XNDC1N: variants seen among roughly 807,000 people sequenced by gnomAD.
XNDC1N encodes XRCC1 N-terminal domain containing 1, N-terminal like.
chr11:71,904,128 A>G, the XNDC1N span: 15 of 489,060 alleles, frequency 3.1e-5, no homozygotes, highest in East Asian at 6.0e-5. Context: ...TCTAATCTCA[A>G]TATCTTCTTA....
chr11:71,919,929 C>CTTCTTTT, the XNDC1N span, among the ~76,000 whole-genome samples: 43 of 26,632 alleles, frequency 1.6e-3, no homozygotes, highest in East Asian at 3.7e-3. Flanking sequence ...AAGCAGGCCT[C>CTTCTTTT]TTTTTTTTTT....
chr11:71,905,620 T>C, the XNDC1N span, among the ~76,000 whole-genome samples: 3 of 152,014 alleles, frequency 2.0e-5, no homozygotes, highest in African/African-American at 7.3e-5. Context: ...CCCTAGGATA[T>C]AAGCTATCAC....
At chr11:71,901,309 C>G in the XNDC1N span, among the ~76,000 whole-genome samples, 1 of 152,080 alleles carries the variant, frequency 6.6e-6, no homozygotes, top group Admixed American at 6.5e-5. Context: ...CTGCTTAAAG[C>G]TTTTGGAAGC....
chr11:71,877,548 G>C, the XNDC1N span, among the ~76,000 whole-genome samples: 1 of 152,234 alleles, frequency 6.6e-6, no homozygotes, highest in Non-Finnish European at 1.5e-5. Context: ...TGAGGAAGGA[G>C]AATCACTTGA....
At chr11:71,881,736 G>T in the XNDC1N span, among the ~76,000 whole-genome samples, 1 of 152,056 alleles carries the variant, frequency 6.6e-6, no homozygotes. Flanking sequence ...CCATAACAAT[G>T]AATTCATCAA....
chr11:71,893,784 C>T, the XNDC1N span: 3 of 1,101,142 alleles, frequency 2.7e-6, no homozygotes, highest in African/African-American at 1.6e-5. Flanking sequence ...CCTTCTTGCT[C>T]CTTTTTGCAT....
chr11:71,900,384 G>C, the XNDC1N span, among the ~76,000 whole-genome samples: 2 of 151,982 alleles, frequency 1.3e-5, no homozygotes, highest in South Asian at 4.1e-4. Flanking sequence ...ACCCCTTCAA[G>C]TGAGTGCTGA....
the XNDC1N span, among the ~76,000 whole-genome samples, chr11:71,901,233 T>G: frequency 6.6e-6 from 1 of 152,156 alleles, no homozygotes; most frequent in Non-Finnish European, 1.5e-5. Context: ...TCCATTCCTA[T>G]TGAGGAAGCT....
the XNDC1N span, among the ~76,000 whole-genome samples, chr11:71,920,495 C>T: frequency 3.8e-3 from 575 of 150,982 alleles, 5 homozygotes; most frequent in Admixed American, 8.7e-3. Context: ...TTAGTAGAAA[C>T]GGTTTCTCCA....
the XNDC1N span, among the ~76,000 whole-genome samples, chr11:71,868,863 A>G: frequency 6.6e-6 from 1 of 152,102 alleles, no homozygotes; most frequent in Non-Finnish European, 1.5e-5. Context: ...AGATATCCTC[A>G]AATATGTTTC....
the XNDC1N span, chr11:71,878,580 A>C: frequency 6.5e-7 from 1 of 1,527,230 alleles, no homozygotes; most frequent in Non-Finnish European, 8.9e-7. Flanking sequence ...GTCTTTCAAG[A>C]GTCTGAAAAT....
the XNDC1N span, among the ~76,000 whole-genome samples, chr11:71,886,517 C>T: frequency 1.3e-5 from 2 of 151,928 alleles, no homozygotes; most frequent in Non-Finnish European, 2.9e-5. Context: ...CTCAGAAGGC[C>T]ACAAACGTTA....
the XNDC1N span, among the ~76,000 whole-genome samples, chr11:71,875,870 A>G: frequency 1.6e-4 from 24 of 152,248 alleles, no homozygotes; most frequent in African/African-American, 5.3e-4. Context: ...TACCAAAAAT[A>G]GAAAAATTAG....
chr11:71,873,304 AT>A, the XNDC1N span, among the ~76,000 whole-genome samples: 1 of 152,244 alleles, frequency 6.6e-6, no homozygotes, highest in East Asian at 1.9e-4. Context: ...GATTTCATTT[AT>A]AGTGCTCTCC....
the XNDC1N span, chr11:71,923,501 A>T: frequency 6.4e-6 from 4 of 628,762 alleles, no homozygotes; most frequent in Middle Eastern, 2.5e-4. Flanking sequence ...GAAGAAAAAC[A>T]AACTAGCCAT....
the XNDC1N span, among the ~76,000 whole-genome samples, chr11:71,925,472 G>A: frequency 8.5e-5 from 13 of 152,162 alleles, no homozygotes; most frequent in East Asian, 7.7e-4. Flanking sequence ...GCCAGTATGC[G>A]GCTAAGGCTT....
chr11:71,890,757 G>A, the XNDC1N span, among the ~76,000 whole-genome samples: 8 of 152,030 alleles, frequency 5.3e-5, no homozygotes, highest in African/African-American at 1.7e-4. Context: ...GTAGGGGTGG[G>A]GGATGTACAC....
chr11:71,887,159 T>C, the XNDC1N span, among the ~76,000 whole-genome samples: 1 of 152,172 alleles, frequency 6.6e-6, no homozygotes, highest in South Asian at 2.1e-4. Context: ...GACTTTCTTG[T>C]AGATAGCGGT....
the XNDC1N span, among the ~76,000 whole-genome samples, chr11:71,876,845 T>C: frequency 6.6e-6 from 1 of 152,208 alleles, no homozygotes. Flanking sequence ...TGATCAGAGA[T>C]GCTAATGATC....
Sources: allele counts gnomAD v4.1 joint callset (sites outside exome capture counted in the v4.1 genomes callset), GRCh38; gene constraint gnomAD v4.1.1; transcripts MANE v1.5; gene names NCBI Gene and HGNC (gene_info 2026-07-23, HGNC 2026-07-21).